FCRL3: variants seen among roughly 807,000 people sequenced by gnomAD.
FCRL3 encodes the protein Fc receptor-like protein 3.
A neutral mutation model predicts 75.0 loss-of-function variants in FCRL3; 89 were observed. That is an observed-to-expected ratio of 1.19 (90% CI 1.00 to 1.42). The LOEUF (loss-of-function observed/expected upper bound fraction) is 1.42. Ranked by LOEUF, FCRL3 falls within the 40% of genes most tolerant of loss-of-function variation. The pLI is 0.00. For missense variants in FCRL3, 946 were observed against 880.0 expected, an observed-to-expected ratio of 1.07 and a Z score of -0.95; for synonymous variants, 376 against 348.5, an observed-to-expected ratio of 1.08 and a Z score of -0.88.
chr1:157,696,459 A>C (rs541855755), intron 6 of FCRL3, 132 bp from the exon 7 acceptor site: 1 of 862,408 alleles, frequency 1.2e-6, no homozygotes, highest in African/African-American at 1.7e-5. Context: ...AGGAAATAAG[A>C]AATTAATTGT....
At position 157,699,698 on chromosome 1, in the gene FCRL3, G is replaced by A. The variant is rs749044793; in HGVS notation, c.46C>T (p.Gln16Ter). ...GAGAGAAGGAGAAACTTACCTGATT[G>A]TTCTCTTCCAGGAGCTGTGAGGGAG... is the stretch of plus-strand genomic sequence containing the variant. ...LLLILTPGRE[Q>*]SGVAPKAVLL... is the part of the protein sequence containing the mutation. Residue 16 changes from glutamine to a stop codon, truncating the protein, a stop_gained, in exon 3 of 15, where the codon CAA becomes TAA. Coordinates refer to ENST00000368184, the MANE Select transcript of FCRL3 (RefSeq NM_052939.4). LOFTEE classifies it high-confidence loss of function. 1 of 1,613,558 alleles carries A rather than the reference G, an allele frequency of 6.2e-7. No individual in the cohort carries two copies. Among genetic ancestry groups the A allele is most frequent in the Non-Finnish European group, 8.5e-7 (1 of 1,179,796 alleles).
intron 13 of FCRL3, 29 bp from the exon 14 acceptor site, chr1:157,679,002 A>T: frequency 6.2e-7 from 1 of 1,613,648 alleles, no homozygotes; most frequent in Non-Finnish European, 8.5e-7. Flanking sequence ...AAAGAAAAGT[A>T]TTAAACTGTG....
At chr1:157,699,502 G>GAAA (rs74599050) in intron 3 of FCRL3, among the ~76,000 whole-genome samples, 190 bp downstream of exon 3, 1 of 131,730 alleles carries the variant, frequency 7.6e-6, no homozygotes. Flanking sequence ...AATGTAGGGA[G>GAAA]AAAAAAAAAA....
chr1:157,679,758 G>T (rs560872339), intron 13 of FCRL3, among the ~76,000 whole-genome samples: 1 of 140,228 alleles, frequency 7.1e-6, no homozygotes. Context: ...GAACCCAGGA[G>T]GCAGAAGTTG....
intron 11 of FCRL3, among the ~76,000 whole-genome samples, chr1:157,682,597 G>C (rs1181465883): frequency 6.6e-6 from 1 of 152,180 alleles, no homozygotes; most frequent in Non-Finnish European, 1.5e-5. Context: ...GGGCCTCTTT[G>C]AAAGGCAAAA....
At chr1:157,678,899 G>A (rs1654634029) in intron 14 of FCRL3, 43 bp from the exon 15 acceptor site, 1 of 1,614,094 alleles carries the variant, frequency 6.2e-7, no homozygotes, top group African/African-American at 1.3e-5. Context: ...AAATACAGGA[G>A]AGGAAGGCCA....
chr1:157,681,792 C>T (rs993566241), intron 11 of FCRL3, among the ~76,000 whole-genome samples: 2 of 152,096 alleles, frequency 1.3e-5, no homozygotes, highest in Non-Finnish European at 2.9e-5. Flanking sequence ...GGTATTTCTA[C>T]TTCTAGATCC....
chr1:157,687,188 C>T (rs1655227080), intron 10 of FCRL3, among the ~76,000 whole-genome samples: 1 of 151,160 alleles, frequency 6.6e-6, no homozygotes, highest in African/African-American at 2.4e-5. Flanking sequence ...TAAAAAAATG[C>T]TCAACATCAC....
intron 6 of FCRL3, 32 bp downstream of exon 6, chr1:157,697,108 G>T: frequency 7.1e-7 from 1 of 1,404,312 alleles, no homozygotes; most frequent in South Asian, 2.0e-5. Context: ...CCCCAGCTCT[G>T]ACTCTGGAAG....
At chr1:157,682,094 GT>G (rs1172122913) in intron 11 of FCRL3, among the ~76,000 whole-genome samples, 1 of 151,948 alleles carries the variant, frequency 6.6e-6, no homozygotes. Flanking sequence ...GGGGTTGTTT[GT>G]TTTTTTCTTG....
chr1:157,676,848 A>G lies in FCRL3; in HGVS notation c.*1862T>C. ...CTATAAGGCACAAAGGGGCTTGGCA[A>G]GGTAATTCCAAATCAGCAGCAGGGT... On this transcript the variant is annotated 3_prime_UTR_variant, in exon 15 of 15. Transcript: ENST00000368184. The G allele has an allele frequency of 6.5e-7, 1 of 1,540,318 alleles. No homozygotes were observed. Among genetic ancestry groups the G allele is most frequent in the South Asian group, 1.2e-5 (1 of 83,068 alleles).
Position 157,678,206 on chromosome 1 carries a change from A to C in FCRL3, c.*504T>G. On this transcript the variant is annotated 3_prime_UTR_variant, in exon 15 of 15. Transcript: ENST00000368184. ...ATACACTTCAGATAGAGTCACCTTA[A>C]ATTCTTGTTCTATAACTTCTTTTGG... 3 of 987,408 alleles carry C rather than the reference A, an allele frequency of 3.0e-6. No individual in the cohort carries two copies. The highest frequency in any genetic ancestry group is 3.6e-6 in the Non-Finnish European group (3 of 831,326). 61.2% of individuals were successfully genotyped at this position (987,408 alleles called of 1,614,324 possible). A position where few individuals can be genotyped will look rare whatever the true frequency, so the allele number is the denominator to read the frequency against.
rs147268020 is a variant in FCRL3 at position 157,690,431 on chromosome 1, G to A, written c.1514C>T (p.Pro505Leu). The A allele has an allele frequency of 8.3e-5, 134 of 1,614,216 alleles. No homozygotes were observed. The highest frequency in any genetic ancestry group is 3.1e-4 in the East Asian group (14 of 44,884). Residue 505 changes from proline (P) to leucine (L), a missense_variant, in exon 9 of 15, where the codon CCG (proline) becomes CTG (leucine). Transcript: ENST00000368184. The part of the protein sequence containing the change: ...LHCESLRGSF[P>L]ILYWFYHEDD... ...CTCGTGATAAAACCAGTACAGGATC[G>A]GGAAGGAGCCTCTCAGGGACTCACA...
At position 157,697,868 on chromosome 1, in the gene FCRL3, A is replaced by C. The variant is rs367629352; in HGVS notation, c.350T>G (p.Ile117Ser). 3.7e-6 allele frequency: 6 copies of C among 1,614,004 alleles called. No homozygotes were observed. The highest frequency in any genetic ancestry group is 5.1e-6 in the Non-Finnish European group (6 of 1,180,016). ...LHPVFEGDNVILRCQGKDNKN... is the reference protein window; with the variant it reads ...LHPVFEGDNVSLRCQGKDNKN... ...GTTGTCTTTCCCCTGACATCTCAGA[A>C]TGACATTGTCTCCTTCAAAGACAGG... The change falls in exon 5 of 15, where the codon ATT (isoleucine) becomes AGT (serine). Residue 117 changes from isoleucine to serine, a missense_variant. Coordinates refer to ENST00000368184, the MANE Select transcript of FCRL3 (RefSeq NM_052939.4).
At chr1:157,678,898 A>G in intron 14 of FCRL3, 42 bp from the exon 15 acceptor site, 1 of 1,614,100 alleles carries the variant, frequency 6.2e-7, no homozygotes, top group South Asian at 1.1e-5. Context: ...TAAATACAGG[A>G]GAGGAAGGCC....
intron 10 of FCRL3, among the ~76,000 whole-genome samples, chr1:157,688,900 CA>C (rs1655335886): frequency 6.6e-6 from 1 of 152,034 alleles, no homozygotes; most frequent in Non-Finnish European, 1.5e-5. Flanking sequence ...TTCACCTTAT[CA>C]ATAGACTAAA....
intron 8 of FCRL3, among the ~76,000 whole-genome samples, chr1:157,691,047 C>CT (rs777299043): frequency 7.0e-6 from 1 of 142,084 alleles, no homozygotes; most frequent in Non-Finnish European, 1.5e-5. Flanking sequence ...ATCTATCTAT[C>CT]ATCATTGTTT....
intron 10 of FCRL3, among the ~76,000 whole-genome samples, chr1:157,687,178 T>TA (rs35140932): frequency 6.6e-6 from 1 of 150,378 alleles, no homozygotes; most frequent in Non-Finnish European, 1.5e-5. Context: ...CCAACAAACA[T>TA]AAAAAAATGC....
In FCRL3 at chr1:157,696,975, A is replaced by T. The variant is rs1166543258; in HGVS notation, c.844+165T>A. ...CTATTACCTGACTCAAGTGGAAGAA[A>T]ATGTTCTAGGGCTGTTAGACCAACG... On this transcript the variant is annotated intron_variant, in intron 6 of 14. Transcript: ENST00000368184. The T allele has an allele frequency of 3.9e-4, 212 of 537,914 alleles. 1 individual carries two copies. Among genetic ancestry groups the T allele is most frequent in the East Asian group, 1.0e-4 (3 of 29,078 alleles). 33.3% of individuals were successfully genotyped at this position (537,914 alleles called of 1,614,324 possible).
Sources: gnomAD v4.1 joint callset for allele counts (sites outside exome capture counted in the v4.1 genomes callset) on GRCh38, gnomAD v4.1.1 for gene constraint, MANE v1.5 for transcripts, NCBI Gene and HGNC (gene_info 2026-07-23, HGNC 2026-07-21) for gene names.